Variants in ZNF334 observed in about 807,000 individuals in gnomAD.
The protein encoded by ZNF334 is zinc finger protein 334.
Under a neutral mutation model 12.4 loss-of-function variants are expected in ZNF334, and 14 were observed. The ratio of observed to expected loss-of-function variants is 1.13; its 90% CI spans 0.74 to 1.76. ZNF334 has a LOEUF of 1.76. Ranked by LOEUF, ZNF334 falls within the 40% of genes most tolerant of loss-of-function variation. The probability of loss-of-function intolerance (pLI) is 0.00; values close to 1 mark genes in which losing one functional copy is unlikely to be tolerated. For missense variants in ZNF334, 797 were observed against 804.5 expected (o/e 0.99, Z 0.11); for synonymous variants, 273 against 269.6 (o/e 1.01, Z -0.12).
downstream of ZNF334, among the ~76,000 whole-genome samples, chr20:46,497,323 A>C (rs2061040763): frequency 6.6e-6 from 1 of 152,228 alleles, no homozygotes; most frequent in African/African-American, 2.4e-5. Flanking sequence ...ACGATGGAAC[A>C]ATGTGTTTTA....
chr20:46,470,143 A>G, the ZNF334 span, among the ~76,000 whole-genome samples: 1 of 152,234 alleles, frequency 6.6e-6, no homozygotes, highest in African/African-American at 2.4e-5. Flanking sequence ...ACAGAGAAAG[A>G]AACTAGGGCC....
At chr20:46,469,911 A>G in the ZNF334 span, among the ~76,000 whole-genome samples, 6 of 151,970 alleles carry the variant, frequency 3.9e-5, no homozygotes, top group South Asian at 6.2e-4. Context: ...TTGCTTAACC[A>G]TATTATGAAT....
the ZNF334 span, among the ~76,000 whole-genome samples, chr20:46,487,062 G>T: frequency 2.6e-5 from 4 of 151,818 alleles, no homozygotes; most frequent in Non-Finnish European, 5.9e-5. Flanking sequence ...CTGTCAATCT[G>T]TCATTTGCCT....
chr20:46,506,327 T>G (rs2061429543), intron 2 of ZNF334: 1 of 650,340 alleles, frequency 1.5e-6, no homozygotes, highest in South Asian at 1.7e-5. Context: ...AGAAAGGAGA[T>G]GTAAGAAAAC....
chr20:46,463,251 T>C, the ZNF334 span, among the ~76,000 whole-genome samples: 10 of 152,236 alleles, frequency 6.6e-5, no homozygotes, highest in African/African-American at 2.4e-4. Flanking sequence ...TGAGACTCCA[T>C]CTAAAATAAA....
chr20:46,466,842 AGAAAAATGATATCTAGGAT>A, the ZNF334 span, among the ~76,000 whole-genome samples: 1 of 152,248 alleles, frequency 6.6e-6, no homozygotes, highest in Non-Finnish European at 1.5e-5. Flanking sequence ...CAGATTATAA[AGAAAAATGATATCTAGGAT>A]GGGTATCAGT....
the ZNF334 span, chr20:46,464,952 C>A: frequency 1.0e-5 from 5 of 484,758 alleles, no homozygotes; most frequent in South Asian, 6.6e-5. Context: ...GTTGCTTGTT[C>A]GTTTCAGTGG....
the ZNF334 span, among the ~76,000 whole-genome samples, chr20:46,469,221 C>T: frequency 1.1e-3 from 161 of 152,242 alleles, no homozygotes; most frequent in Non-Finnish European, 7.4e-4. Flanking sequence ...AACTATCCCC[C>T]AAACTGGGAG....
In ZNF334 at chr20:46,502,765, G is replaced by C. The variant is rs376853589; in HGVS notation, c.574C>G (p.Gln192Glu). 46 of 1,613,702 alleles carry C rather than the reference G, an allele frequency of 2.9e-5. No individual in the cohort carries two copies. The highest frequency in any genetic ancestry group is 2.7e-5 in the African/African-American group (2 of 74,922). ...TGGTGCAGAATAAGATTTTCGTTTTGATTGCTGGCTTTCCTCATTGGATTG... is the reference window on the plus strand; with the variant it reads ...TGGTGCAGAATAAGATTTTCGTTTTCATTGCTGGCTTTCCTCATTGGATTG... Reference protein sequence around the residue: ...RYNPMRKASNQNENLILHQNI... With the variant: ...RYNPMRKASNENENLILHQNI... The change falls in exon 5 of 5, where the codon CAA becomes GAA. Residue 192 changes from glutamine (Q) to glutamate (E), a missense_variant. Physicochemically the swap from Gln to Glu is conservative, Grantham distance 29. Coordinates refer to ENST00000692313, the MANE Select transcript of ZNF334 (RefSeq NM_001353824.2).
the ZNF334 span, among the ~76,000 whole-genome samples, chr20:46,482,275 C>T: frequency 2.0e-5 from 3 of 152,166 alleles, no homozygotes; most frequent in African/African-American, 4.8e-5. Flanking sequence ...TCTCACTAAT[C>T]CACATATTTA....
chr20:46,493,103 AAAC>A, the ZNF334 span, among the ~76,000 whole-genome samples: 1,486 of 151,578 alleles, frequency 9.8e-3, 33 homozygotes, highest in African/African-American at 0.034. Flanking sequence ...AAAAAAAAAA[AAAC>A]TGTTAAATGT....
chr20:46,473,974 T>C, the ZNF334 span, among the ~76,000 whole-genome samples: 35 of 152,226 alleles, frequency 2.3e-4, no homozygotes, highest in Admixed American at 5.2e-4. Flanking sequence ...TTTTCAAAGA[T>C]GGATTGGGTG....
chr20:46,463,496 T>C, the ZNF334 span, among the ~76,000 whole-genome samples: 1 of 152,070 alleles, frequency 6.6e-6, no homozygotes, highest in Non-Finnish European at 1.5e-5. Flanking sequence ...GAAGCGCATA[T>C]CCCTTCACCC....
chr20:46,492,409 G>A, the ZNF334 span: 1 of 153,232 alleles, frequency 6.5e-6, no homozygotes, highest in Non-Finnish European at 1.5e-5. Flanking sequence ...AATGTGGAAA[G>A]ACCTTTCGCC....
the ZNF334 span, chr20:46,474,751 C>T: frequency 6.6e-6 from 1 of 152,206 alleles, no homozygotes; most frequent in South Asian, 2.1e-4. Flanking sequence ...GAGCAAAATG[C>T]TAAACAGACA....
intron 2 of ZNF334, 95 bp from the exon 3 acceptor site, chr20:46,504,835 G>A: frequency 8.8e-7 from 1 of 1,132,214 alleles, no homozygotes; most frequent in Non-Finnish European, 1.3e-6. Context: ...ATGGCTAATG[G>A]AAAGCTATAG....
At chr20:46,478,456 G>A in the ZNF334 span, among the ~76,000 whole-genome samples, 4 of 152,164 alleles carry the variant, frequency 2.6e-5, no homozygotes, top group Admixed American at 2.6e-4. Flanking sequence ...CTGGGCTAAG[G>A]GGTTGTGAAG....
chr20:46,510,327 AGAG>A (rs2061597908), intron 2 of ZNF334, among the ~76,000 whole-genome samples: 2 of 152,268 alleles, frequency 1.3e-5, no homozygotes, highest in South Asian at 2.1e-4. Context: ...CTGAGGCAGG[AGAG>A]GAGGAGATGG....
chr20:46,503,140 T>C (rs1230768289), intron 4 of ZNF334, 43 bp from the exon 5 acceptor site: 5 of 1,521,604 alleles, frequency 3.3e-6, no homozygotes, highest in Non-Finnish European at 4.4e-6. Flanking sequence ...TGAGCCTTTA[T>C]ATGTTTGCTA....
Sources: allele counts gnomAD v4.1 joint callset (sites outside exome capture counted in the v4.1 genomes callset), GRCh38; gene constraint gnomAD v4.1.1; transcripts MANE v1.5; gene names NCBI Gene and HGNC (gene_info 2026-07-23, HGNC 2026-07-21).